CERS3: variants seen among roughly 807,000 people sequenced by gnomAD.
The protein encoded by CERS3 is LAG1 homolog, ceramide synthase 3.
In CERS3, 33 loss-of-function variants were observed where a neutral mutation model predicts 50.3. The ratio of observed to expected loss-of-function variants is 0.66; its 90% CI spans 0.50 to 0.88. The LOEUF (loss-of-function observed/expected upper bound fraction) is 0.88. Among genes scored for constraint, CERS3 ranks in the 40% least tolerant of loss-of-function variants. The pLI is 0.00. For synonymous variants in CERS3, 176 were observed against 155.2 expected (o/e 1.13, Z -0.99); for missense variants, 470 against 460.3 (o/e 1.02, Z -0.19).
rs894547823 is a variant in CERS3 at position 100,467,219 on chromosome 15, G to A, written c.845+2159C>T. Among the ~76,000 whole-genome samples the A allele has an allele frequency of 7.9e-5, 12 of 152,070 alleles. No homozygotes were observed. The South Asian group carries it at 1.2e-3, about 16-fold the overall frequency. On this transcript the variant is annotated intron_variant, in intron 10 of 11. Transcript: ENST00000679737. ...CTAGACACTATGTGACTGCCCAGCC[G>A]CCATATAACTGTAACCACACAAGAG...
chr15:100,526,846 T>C (rs529907601), intron 1 of CERS3, among the ~76,000 whole-genome samples: 11 of 152,064 alleles, frequency 7.2e-5, no homozygotes, highest in Admixed American at 3.3e-4. Flanking sequence ...CACTGCAAAA[T>C]GGGGAAATGA....
At chr15:100,418,163 A>G (rs1218098861) in intron 11 of CERS3, among the ~76,000 whole-genome samples, 1 of 152,034 alleles carries the variant, frequency 6.6e-6, no homozygotes, top group Non-Finnish European at 1.5e-5. Flanking sequence ...AACCAAAGGC[A>G]AAGAAGTTGA....
intron 9 of CERS3, among the ~76,000 whole-genome samples, chr15:100,472,711 C>T (rs2035006930): frequency 6.6e-6 from 1 of 152,142 alleles, no homozygotes; most frequent in Admixed American, 6.5e-5. Flanking sequence ...CACAAATTAA[C>T]ATCTCTCTAG....
chr15:100,420,559 G>C lies in CERS3; in HGVS notation c.1000-17694C>G, dbSNP rs893440825. Among the ~76,000 whole-genome samples the C allele has an allele frequency of 4.0e-5, 6 of 151,850 alleles. No individual in the cohort carries two copies. In the East Asian group the frequency reaches 1.2e-3, roughly 29 times the overall value. On this transcript the variant is annotated intron_variant, in intron 11 of 11. Transcript: ENST00000679737. ...ACTATTCCAATCAATAGAAAAAGAG[G>C]GAATCCTCCCTAACTCATTTTATGA...
chr15:100,492,827 A>T (rs1449142462), intron 3 of CERS3, among the ~76,000 whole-genome samples: 1 of 151,948 alleles, frequency 6.6e-6, no homozygotes, highest in Non-Finnish European at 1.5e-5. Context: ...GGACCATTTT[A>T]ATTTTCTTGT....
intron 11 of CERS3, among the ~76,000 whole-genome samples, chr15:100,444,902 A>G (rs375154985): frequency 1.3e-5 from 2 of 152,200 alleles, no homozygotes; most frequent in Non-Finnish European, 2.9e-5. Context: ...TATATAGTCC[A>G]ATAGCAGACC....
chr15:100,414,818 T>C (rs199927278), intron 11 of CERS3, among the ~76,000 whole-genome samples: 1 of 55,290 alleles, frequency 1.8e-5, no homozygotes, highest in Non-Finnish European at 4.1e-5. Flanking sequence ...CCCAAAATGA[T>C]TAAAAAAAAA....
intron 1 of CERS3, among the ~76,000 whole-genome samples, chr15:100,540,901 A>G (rs1484064985): frequency 1.3e-5 from 2 of 152,206 alleles, no homozygotes; most frequent in African/African-American, 2.4e-5. Flanking sequence ...CAAGCTACGT[A>G]TACTTTCTCC....
rs1335617514 is a variant in CERS3, at chr15:100,483,784, A to ATTTTTTTT, written c.407+765_407+766insAAAAAAAA. Reference sequence around the variant, plus strand: ...ATCAATAATAATAATAATTATTATTATTATTTTTTTTTTTGAGACAGAGTC... The same window carrying ATTTTTTTT: ...ATCAATAATAATAATAATTATTATTATTTTTTTTTTATTTTTTTTTTTGAGACAGAGTC... On this transcript the variant is annotated intron_variant, in intron 5 of 11. Coordinates refer to ENST00000679737, the MANE Select transcript of CERS3 (RefSeq NM_001378789.1). Among the ~76,000 whole-genome samples the ATTTTTTTT allele has an allele frequency of 5.3e-3, 475 of 89,354 alleles. 8 individuals are homozygous for ATTTTTTTT. The highest frequency in any genetic ancestry group is 0.029 in the East Asian group (89 of 3,074). The allele number at this position is 89,354 out of a possible 152,430, so 58.6% of individuals were successfully genotyped here. A position where few individuals can be genotyped will look rare whatever the true frequency, so the allele number is the denominator to read the frequency against.
chr15:100,487,417 C>T (rs1302540486), intron 4 of CERS3, among the ~76,000 whole-genome samples: 1 of 152,188 alleles, frequency 6.6e-6, no homozygotes, highest in Non-Finnish European at 1.5e-5. Flanking sequence ...TATAATTATG[C>T]TCAATTCACA....
chr15:100,479,357 C>A (rs950796248), intron 7 of CERS3, 71 bp downstream of exon 7: 3 of 1,176,768 alleles, frequency 2.5e-6, no homozygotes, highest in Non-Finnish European at 3.7e-6. Context: ...GGGACCAAGA[C>A]GTAACTAAGG....
intron 9 of CERS3, among the ~76,000 whole-genome samples, chr15:100,470,246 C>A (rs1048623531): frequency 6.6e-6 from 1 of 152,052 alleles, no homozygotes; most frequent in Non-Finnish European, 1.5e-5. Flanking sequence ...GATCACTCTT[C>A]TAGGGAACGT....
intron 10 of CERS3, among the ~76,000 whole-genome samples, chr15:100,466,641 G>A (rs1464993698): frequency 7.7e-6 from 1 of 129,650 alleles, no homozygotes; most frequent in African/African-American, 2.7e-5. Context: ...CCAACTAGAG[G>A]GGCTGTGGGT....
chr15:100,480,065 A>C lies in CERS3; in HGVS notation c.408-19T>G. ...TCTCCAGCTGCCAAAAGAAAGAAAAATCTTTACTCCCTTGTAAAGGTAACT... is the reference window on the plus strand; with the variant it reads ...TCTCCAGCTGCCAAAAGAAAGAAAACTCTTTACTCCCTTGTAAAGGTAACT... On this transcript the variant is annotated intron_variant, in intron 5 of 11. Coordinates refer to ENST00000679737, the MANE Select transcript of CERS3 (RefSeq NM_001378789.1). 6.3e-7 allele frequency: 1 copy of C among 1,592,228 alleles called. No individual in the cohort carries two copies. The highest frequency in any genetic ancestry group is 8.6e-7 in the Non-Finnish European group (1 of 1,163,228).
At chr15:100,504,000 G>A (rs2036090150) in intron 2 of CERS3, among the ~76,000 whole-genome samples, 1 of 152,120 alleles carries the variant, frequency 6.6e-6, no homozygotes, top group African/African-American at 2.4e-5. Flanking sequence ...CAGAGGGTAG[G>A]ATACAAGAGG....
intron 7 of CERS3, 98 bp from the exon 8 acceptor site, chr15:100,476,276 C>T (rs1057239660): frequency 2.0e-5 from 12 of 605,308 alleles, no homozygotes; most frequent in African/African-American, 2.0e-4. Context: ...TATATCCCAC[C>T]AGATTCCATA....
At position 100,477,417 on chromosome 15, in the gene CERS3, TA is replaced by T. The variant is rs1453713890; in HGVS notation, c.517-1240del. On this transcript the variant is annotated intron_variant, in intron 7 of 11. Transcript: ENST00000679737. ...TTTCTGCTTTCTTCTATGACAGGAC[TA>T]TATGAGACTAATCCTCCTATTAAGA... Among the ~76,000 whole-genome samples the T allele has an allele frequency of 5.3e-3, 805 of 152,256 alleles. 7 individuals carry two copies. Among genetic ancestry groups the T allele is most frequent in the African/African-American group, 0.018 (749 of 41,540 alleles).
intron 4 of CERS3, among the ~76,000 whole-genome samples, chr15:100,488,884 C>T (rs1324371292): frequency 6.6e-6 from 1 of 151,932 alleles, no homozygotes; most frequent in East Asian, 1.9e-4. Context: ...TCAAGCTGTC[C>T]TCCTGCCTCA....
At chr15:100,479,648 C>G (rs955394624) in intron 6 of CERS3, among the ~76,000 whole-genome samples, 170 bp from the exon 7 acceptor site, 2 of 152,092 alleles carry the variant, frequency 1.3e-5, no homozygotes, top group Non-Finnish European at 2.9e-5. Context: ...ACGTATTTCT[C>G]CCTCTGTAGA....
Sources: gnomAD v4.1 joint callset for allele counts (sites outside exome capture counted in the v4.1 genomes callset) on GRCh38, gnomAD v4.1.1 for gene constraint, MANE v1.5 for transcripts, NCBI Gene and HGNC (gene_info 2026-07-23, HGNC 2026-07-21) for gene names.